The following FOXP2 variants were observed in gnomAD, a reference collection of about 807,000 sequenced individuals.
FOXP2 encodes the protein forkhead box P2, also known as forkhead box protein P2.
In FOXP2, 12 loss-of-function variants were observed where a neutral mutation model predicts 115.8. That is an observed-to-expected ratio of 0.10 (90% CI 0.07 to 0.17). The LOEUF (loss-of-function observed/expected upper bound fraction) is 0.17. FOXP2 is among the 10% of genes least tolerant of loss of function. FOXP2 has a pLI of 1.00. For missense variants in FOXP2, 629 were observed against 843.5 expected, an observed-to-expected ratio of 0.75 and a Z score of 3.15; for synonymous variants, 328 against 297.7, an observed-to-expected ratio of 1.10 and a Z score of -1.05.
intron 3 of FOXP2, among the ~76,000 whole-genome samples, chr7:114,609,521 C>T (rs533292902): frequency 5.1e-4 from 78 of 152,236 alleles, no homozygotes; most frequent in African/African-American, 1.7e-3. Context: ...AAATTCTTTT[C>T]GAGCATAGCT....
At chr7:114,116,910 C>T (rs141000592) in intron 1 of FOXP2, among the ~76,000 whole-genome samples, 28 of 152,184 alleles carry the variant, frequency 1.8e-4, no homozygotes, top group African/African-American at 6.7e-4. Flanking sequence ...CCACCCAGTC[C>T]AAGGTAATCC....
chr7:114,169,364 G>A (rs1428584477), intron 1 of FOXP2, among the ~76,000 whole-genome samples: 1 of 152,250 alleles, frequency 6.6e-6, no homozygotes, highest in African/African-American at 2.4e-5. Flanking sequence ...TGACCTGGAT[G>A]TGAGACCTGG....
At chr7:114,170,448 G>C (rs1238378903) in intron 1 of FOXP2, among the ~76,000 whole-genome samples, 2 of 152,192 alleles carry the variant, frequency 1.3e-5, no homozygotes, top group Non-Finnish European at 2.9e-5. Context: ...TCAAAAGTTA[G>C]AAATGATTCA....
chr7:114,293,089 C>A (rs1278666878), intron 2 of FOXP2, among the ~76,000 whole-genome samples: 1 of 152,130 alleles, frequency 6.6e-6, no homozygotes, highest in Non-Finnish European at 1.5e-5. Context: ...GGTAGGCAGC[C>A]TCTAAGATGG....
intron 2 of FOXP2, among the ~76,000 whole-genome samples, chr7:114,300,022 C>T (rs1796839649): frequency 6.6e-6 from 1 of 151,242 alleles, no homozygotes; most frequent in Admixed American, 6.6e-5. Flanking sequence ...CAGCAGCTAC[C>T]CTTACACACA....
intron 3 of FOXP2, among the ~76,000 whole-genome samples, chr7:114,618,931 T>C (rs528094006): frequency 3.3e-5 from 5 of 152,182 alleles, no homozygotes; most frequent in Admixed American, 1.3e-4. Flanking sequence ...CTGTGTGTTA[T>C]GTATTTACAT....
chr7:114,457,644 A>G (rs183261576), intron 2 of FOXP2, among the ~76,000 whole-genome samples: 22 of 152,318 alleles, frequency 1.4e-4, no homozygotes, highest in African/African-American at 5.3e-4. Context: ...CACGCCTGTA[A>G]TCCCAGCACT....
chr7:114,592,200 G>T (rs926575327), intron 3 of FOXP2, among the ~76,000 whole-genome samples: 64 of 151,900 alleles, frequency 4.2e-4, no homozygotes, highest in African/African-American at 1.5e-3. Flanking sequence ...TATTTTTGTG[G>T]CACTATTGGT....
chr7:114,546,596 A>G lies in FOXP2; in HGVS notation c.258+11890A>G, dbSNP rs115595415. The stretch of plus-strand genomic sequence containing the variant: ...CTCATCTGTTTAGAAGGTCATTCCA[A>G]CACCCCTTATCTGATTGGCAAACTC... On this transcript the variant is annotated intron_variant, in intron 3 of 16. Coordinates refer to ENST00000350908, the MANE Select transcript of FOXP2 (RefSeq NM_014491.4). 1.2e-3 allele frequency among the ~76,000 whole-genome samples: 184 copies of G among 152,140 alleles called. 1 individual carries two copies. Among genetic ancestry groups the G allele is most frequent in the African/African-American group, 4.3e-3 (178 of 41,500 alleles).
chr7:114,223,508 AAT>A (rs1412769219), intron 1 of FOXP2, among the ~76,000 whole-genome samples: 1 of 147,324 alleles, frequency 6.8e-6, no homozygotes, highest in Non-Finnish European at 1.5e-5. Flanking sequence ...TATTATATAT[AAT>A]ATATATATAA....
At chr7:114,645,765 A>G (rs1219418232) in intron 8 of FOXP2, 2 of 152,192 alleles carry the variant, frequency 1.3e-5, no homozygotes, top group African/African-American at 2.4e-5. Context: ...ACTACAGGGT[A>G]TAGAGCAAAA....
intron 2 of FOXP2, among the ~76,000 whole-genome samples, chr7:114,468,808 A>C (rs1584773486): frequency 1.3e-5 from 2 of 152,134 alleles, no homozygotes; most frequent in Non-Finnish European, 2.9e-5. Context: ...AAGACTCAGG[A>C]TTATTCAACT....
At chr7:114,455,183 G>A (rs1795256477) in intron 2 of FOXP2, among the ~76,000 whole-genome samples, 1 of 152,024 alleles carries the variant, frequency 6.6e-6, no homozygotes, top group Non-Finnish European at 1.5e-5. Context: ...AGAATTTTAA[G>A]CTATCTGAAC....
At chr7:114,670,970 CTT>C (rs550818973) in intron 16 of FOXP2, among the ~76,000 whole-genome samples, 35 of 150,680 alleles carry the variant, frequency 2.3e-4, no homozygotes, top group African/African-American at 8.3e-4. Context: ...AACATGAAAG[CTT>C]TTTTTTTGCC....
intron 2 of FOXP2, among the ~76,000 whole-genome samples, chr7:114,500,498 A>G (rs1440956051): frequency 6.6e-6 from 1 of 152,098 alleles, no homozygotes; most frequent in African/African-American, 2.4e-5. Context: ...TAGATTATGT[A>G]TTCTTCATTT....
rs199700428 is a variant in FOXP2 at position 114,532,765 on chromosome 7, G to GA, written c.169-1843dup. ...CAAAATAAACTCATCAACTCGAAAA[G>GA]AAAAAAAAACTACATGAAAACAATT... On this transcript the variant is annotated intron_variant, in intron 2 of 16. Coordinates refer to ENST00000350908, the MANE Select transcript of FOXP2 (RefSeq NM_014491.4). Among the ~76,000 whole-genome samples the GA allele has an allele frequency of 8.6e-4, 128 of 148,756 alleles. 1 individual carries two copies. In the East Asian group the frequency reaches 0.013, roughly 15 times the overall value.
chr7:114,124,780 C>G (rs1791660862), intron 1 of FOXP2, among the ~76,000 whole-genome samples: 1 of 152,000 alleles, frequency 6.6e-6, no homozygotes, highest in Admixed American at 6.6e-5. Context: ...TTACCCCTTT[C>G]TCCATTCCCT....
intron 2 of FOXP2, among the ~76,000 whole-genome samples, chr7:114,455,020 A>T (rs559082025): frequency 3.3e-4 from 47 of 141,960 alleles, no homozygotes; most frequent in Middle Eastern, 3.7e-3. Context: ...AAAGTATAAT[A>T]AAAAAAAAAG....
In FOXP2 at chr7:114,333,583, T is replaced by C. The variant is rs189079462; in HGVS notation, c.-11+45474T>C. Among the ~76,000 whole-genome samples, 208 of 152,280 alleles carry C rather than the reference T, an allele frequency of 1.4e-3. 2 individuals are homozygous for C. The highest frequency in any genetic ancestry group is 1.8e-3 in the Admixed American group (27 of 15,290). On this transcript the variant is annotated intron_variant, in intron 2 of 17. Transcript: ENST00000634411. ...GCCTGGCTAAAATGGTGAAACCCCA[T>C]CTCTACTAAAAATACAAAAATTAGT...
Sources: allele counts gnomAD v4.1 joint callset (sites outside exome capture counted in the v4.1 genomes callset), GRCh38; gene constraint gnomAD v4.1.1; transcripts MANE v1.5; gene names NCBI Gene and HGNC (gene_info 2026-07-23, HGNC 2026-07-21).